The following PACRG variants were observed in gnomAD, a reference collection of about 807,000 sequenced individuals.
PACRG encodes parkin coregulated gene protein.
A neutral mutation model predicts 29.7 loss-of-function variants in PACRG; 29 were observed. The ratio of observed to expected loss-of-function variants is 0.98; its 90% CI spans 0.73 to 1.33. The LOEUF is 1.33. Among genes scored for constraint, PACRG ranks in the 40% most tolerant of loss-of-function variants. PACRG has a pLI of 0.00. For synonymous variants in PACRG, 116 were observed against 118.7 expected (o/e 0.98, Z 0.15); for missense variants, 279 against 316.2 (o/e 0.88, Z 0.89).
chr6:162,972,414 T>A (rs183925982), intron 2 of PACRG, among the ~76,000 whole-genome samples: 30 of 152,268 alleles, frequency 2.0e-4, no homozygotes, highest in Admixed American at 1.4e-3. Context: ...CTTCTTTCAG[T>A]TGGCTTTTTT....
intron 4 of PACRG, among the ~76,000 whole-genome samples, chr6:163,100,416 G>A (rs940932500): frequency 1.3e-5 from 2 of 152,188 alleles, no homozygotes; most frequent in African/African-American, 2.4e-5. Flanking sequence ...GGCGTCGCGC[G>A]GCCAGCCCCT....
chr6:163,127,255 T>A (rs1245156686), intron 4 of PACRG, among the ~76,000 whole-genome samples: 1 of 152,268 alleles, frequency 6.6e-6, no homozygotes, highest in Admixed American at 6.5e-5. Flanking sequence ...GCATCATATT[T>A]CAGACAAGTA....
intron 2 of PACRG, among the ~76,000 whole-genome samples, chr6:162,871,948 CAAAAA>C (rs922208899): frequency 6.7e-6 from 1 of 150,160 alleles, no homozygotes; most frequent in African/African-American, 2.4e-5. Flanking sequence ...CAAAACAAAA[CAAAAA>C]AAAACAAAAG....
At chr6:163,257,235 G>A (rs929799760) in intron 4 of PACRG, among the ~76,000 whole-genome samples, 14 of 151,900 alleles carry the variant, frequency 9.2e-5, no homozygotes, top group African/African-American at 2.9e-4. Flanking sequence ...ACTCAACCCC[G>A]TACATGTTGA....
At chr6:162,914,021 T>C (rs1292584348) in intron 2 of PACRG, among the ~76,000 whole-genome samples, 1 of 152,196 alleles carries the variant, frequency 6.6e-6, no homozygotes, top group Non-Finnish European at 1.5e-5. Context: ...AGTGGTTAGC[T>C]TTTCCATTTT....
intron 4 of PACRG, among the ~76,000 whole-genome samples, chr6:163,290,276 GCGCACACACA>G (rs1447250498): frequency 0.021 from 2,673 of 127,594 alleles, 35 homozygotes; most frequent in Middle Eastern, 0.042. Flanking sequence ...ACGCGCGCGC[GCGCACACACA>G]CACACACACA....
At chr6:162,775,408 C>T (rs912882931) in intron 1 of PACRG, among the ~76,000 whole-genome samples, 1 of 152,088 alleles carries the variant, frequency 6.6e-6, no homozygotes, top group Non-Finnish European at 1.5e-5. Context: ...AAGATAATTG[C>T]GTAAGTGTTA....
chr6:162,830,411 T>G (rs752546959), intron 2 of PACRG, among the ~76,000 whole-genome samples: 2 of 152,078 alleles, frequency 1.3e-5, no homozygotes, highest in Non-Finnish European at 2.9e-5. Context: ...AACTCCCAGG[T>G]CTCCCGCTGG....
intron 2 of PACRG, among the ~76,000 whole-genome samples, chr6:163,011,947 G>A (rs1001361829): frequency 2.6e-5 from 4 of 152,162 alleles, no homozygotes; most frequent in African/African-American, 9.7e-5. Flanking sequence ...AGGGGCAATG[G>A]CAGGCATGAA....
intron 4 of PACRG, among the ~76,000 whole-genome samples, chr6:163,197,098 C>G (rs9458738): frequency 0.016 from 2,416 of 152,222 alleles, 69 homozygotes; most frequent in African/African-American, 0.055. Context: ...CTTTTAAAAA[C>G]TTGAACCTAA....
rs556344178 is a variant in PACRG at position 162,885,770 on chromosome 6, ATG to A, written c.291+71507_291+71508del. 3.6e-3 allele frequency among the ~76,000 whole-genome samples: 461 copies of A among 129,342 alleles called. 2 individuals carry two copies. Among genetic ancestry groups the A allele is most frequent in the African/African-American group, 0.013 (411 of 32,506 alleles). The allele number at this position is 129,342 out of a possible 152,430, so 84.9% of individuals were successfully genotyped here. ...TGTGTGTGTGTGCGTGCACACGTGC[ATG>A]TGTGTGTGTGTGTGTGTATATATAT... On this transcript the variant is annotated intron_variant, in intron 2 of 4. Coordinates refer to ENST00000366888, the MANE Select transcript of PACRG (RefSeq NM_001080379.2).
intron 4 of PACRG, among the ~76,000 whole-genome samples, chr6:163,136,903 C>T (rs1483203935): frequency 3.3e-5 from 5 of 152,116 alleles, no homozygotes; most frequent in Non-Finnish European, 7.4e-5. Context: ...ATACTAAATG[C>T]GTTAACAACA....
chr6:162,974,596 A>C (rs1279393835), intron 2 of PACRG, among the ~76,000 whole-genome samples: 2 of 152,196 alleles, frequency 1.3e-5, no homozygotes, highest in Non-Finnish European at 2.9e-5. Context: ...CCAAATAAAA[A>C]TATGATTTGT....
At chr6:163,108,635 C>T (rs1031124553) in intron 4 of PACRG, among the ~76,000 whole-genome samples, 3 of 151,988 alleles carry the variant, frequency 2.0e-5, no homozygotes, top group Non-Finnish European at 2.9e-5. Flanking sequence ...GTGATCCACC[C>T]ACCTCAACCT....
At chr6:163,150,375 G>A (rs1289997304) in intron 4 of PACRG, among the ~76,000 whole-genome samples, 1 of 152,174 alleles carries the variant, frequency 6.6e-6, no homozygotes, top group Non-Finnish European at 1.5e-5. Flanking sequence ...CCACTGGCTG[G>A]CTCTAATCCT....
chr6:163,142,149 A>G (rs1380168845), intron 4 of PACRG, among the ~76,000 whole-genome samples: 2 of 152,218 alleles, frequency 1.3e-5, no homozygotes, highest in Non-Finnish European at 2.9e-5. Flanking sequence ...AGACCATTCA[A>G]TTTAAGAATT....
chr6:163,000,631 C>T (rs544507897), intron 2 of PACRG, among the ~76,000 whole-genome samples: 1 of 152,212 alleles, frequency 6.6e-6, no homozygotes, highest in South Asian at 2.1e-4. Context: ...ATGGGTACAT[C>T]GCAGGGTGCC....
chr6:162,879,622 G>T (rs531132405), intron 2 of PACRG, among the ~76,000 whole-genome samples: 1 of 152,356 alleles, frequency 6.6e-6, no homozygotes, highest in East Asian at 1.9e-4. Flanking sequence ...AGTGGTTAGG[G>T]TAAATAGGAG....
chr6:163,261,596 C>T (rs1259454380), intron 4 of PACRG, among the ~76,000 whole-genome samples: 1 of 152,210 alleles, frequency 6.6e-6, no homozygotes, highest in African/African-American at 2.4e-5. Context: ...TGTGCTGAGC[C>T]AGGCACTCGC....
Sources: allele counts gnomAD v4.1 joint callset (sites outside exome capture counted in the v4.1 genomes callset), GRCh38; gene constraint gnomAD v4.1.1; transcripts MANE v1.5; gene names NCBI Gene and HGNC (gene_info 2026-07-23, HGNC 2026-07-21).